The following GLMN variants were observed in gnomAD, a reference collection of about 807,000 sequenced individuals.
The protein encoded by GLMN is glomulin, FKBP associated protein, also known as glomulin.
In GLMN, 75 loss-of-function variants were observed where a neutral mutation model predicts 87.8. The ratio of observed to expected loss-of-function variants is 0.85; its 90% CI spans 0.71 to 1.04. The LOEUF (loss-of-function observed/expected upper bound fraction) is 1.04. Among genes scored for constraint, GLMN ranks in the 50% least tolerant of loss-of-function variants. The probability of loss-of-function intolerance (pLI) is 0.00; values close to 1 mark genes in which losing one functional copy is unlikely to be tolerated. For missense variants in GLMN, 588 were observed against 658.8 expected (o/e 0.89, Z 1.18); for synonymous variants, 206 against 221.6 (o/e 0.93, Z 0.63).
the GLMN span, among the ~76,000 whole-genome samples, chr1:92,363,539 A>AAGAGT: frequency 7.4e-4 from 112 of 152,318 alleles, 1 homozygote; most frequent in Admixed American, 7.2e-3. Flanking sequence ...GTTCTCTTCT[A>AAGAGT]AGAGTACAGA....
the GLMN span, among the ~76,000 whole-genome samples, chr1:92,350,704 C>A: frequency 6.6e-6 from 1 of 152,124 alleles, no homozygotes; most frequent in East Asian, 1.9e-4. Flanking sequence ...CTCTGGGAGG[C>A]CGAGGCAGGC....
chr1:92,300,165 T>C, upstream of GLMN: 1 of 1,538,558 alleles, frequency 6.5e-7, no homozygotes, highest in Non-Finnish European at 8.9e-7. Flanking sequence ...AATGTCATTA[T>C]GTAGCACATG....
the GLMN span, among the ~76,000 whole-genome samples, chr1:92,347,120 C>T: frequency 6.6e-6 from 1 of 152,336 alleles, no homozygotes; most frequent in African/African-American, 2.4e-5. Flanking sequence ...ATGCAACTCA[C>T]ATGATTCATT....
intron 16 of GLMN, among the ~76,000 whole-genome samples, chr1:92,248,809 TTAA>T (rs1467894727): frequency 6.6e-6 from 1 of 152,174 alleles, no homozygotes; most frequent in Non-Finnish European, 1.5e-5. Context: ...ATTGATAATA[TTAA>T]TGTCTCACAC....
chr1:92,370,462 C>CA, the GLMN span, among the ~76,000 whole-genome samples: 1 of 152,056 alleles, frequency 6.6e-6, no homozygotes, highest in Admixed American at 6.5e-5. Flanking sequence ...CGTACCCCCC[C>CA]ACCAAAAACA....
the GLMN span, among the ~76,000 whole-genome samples, chr1:92,340,593 A>G: frequency 1.3e-5 from 2 of 152,198 alleles, no homozygotes; most frequent in African/African-American, 4.8e-5. Flanking sequence ...GCTCCACCCT[A>G]GAGATTGAGT....
chr1:92,254,905 C>T (rs1043509281), intron 16 of GLMN, among the ~76,000 whole-genome samples: 10 of 152,022 alleles, frequency 6.6e-5, no homozygotes, highest in Non-Finnish European at 8.8e-5. Flanking sequence ...TCACAGATAA[C>T]GATATTAACT....
chr1:92,328,856 C>T, the GLMN span, among the ~76,000 whole-genome samples: 293 of 152,330 alleles, frequency 1.9e-3, 1 homozygote, highest in Non-Finnish European at 3.4e-3. Flanking sequence ...TTGGTGCTCT[C>T]CTCCTTCCCC....
intron 16 of GLMN, chr1:92,248,318 C>T (rs542942272): frequency 3.5e-4 from 79 of 225,158 alleles, no homozygotes; most frequent in African/African-American, 1.8e-3. Context: ...CACAATGACT[C>T]TACCTTATTT....
At chr1:92,296,833 T>C (rs772743614) in intron 3 of GLMN, among the ~76,000 whole-genome samples, 8 of 152,236 alleles carry the variant, frequency 5.3e-5, no homozygotes, top group African/African-American at 7.2e-5. Context: ...CATAAAATAC[T>C]GTTTTAATTA....
the GLMN span, among the ~76,000 whole-genome samples, chr1:92,309,889 C>T: frequency 6.6e-6 from 1 of 152,106 alleles, no homozygotes; most frequent in Non-Finnish European, 1.5e-5. Context: ...GTGTGGTAAA[C>T]CCTCAAGTAT....
upstream of GLMN, among the ~76,000 whole-genome samples, chr1:92,302,701 A>G (rs1650949394): frequency 1.5e-5 from 2 of 136,496 alleles, no homozygotes; most frequent in Non-Finnish European, 3.0e-5. Context: ...TCCCGTGTTC[A>G]CGCCATTCTC....
chr1:92,300,239 G>C (rs769344934), upstream of GLMN: 3 of 1,606,014 alleles, frequency 1.9e-6, no homozygotes, highest in Non-Finnish European at 8.5e-7. Flanking sequence ...GCTTCTAAAA[G>C]GTATGACAGC....
At chr1:92,313,045 T>C in the GLMN span, among the ~76,000 whole-genome samples, 1 of 152,176 alleles carries the variant, frequency 6.6e-6, no homozygotes, top group Admixed American at 6.5e-5. Context: ...TTTGTATTTT[T>C]AGTAGAGATG....
At chr1:92,283,071 C>T (rs1425744140) in intron 7 of GLMN, among the ~76,000 whole-genome samples, 2 of 152,164 alleles carry the variant, frequency 1.3e-5, no homozygotes, top group Non-Finnish European at 2.9e-5. Context: ...GGTACCATTC[C>T]TTCTGAAACT....
intron 7 of GLMN, among the ~76,000 whole-genome samples, chr1:92,276,615 T>G (rs2100959846): frequency 6.6e-6 from 1 of 152,330 alleles, no homozygotes; most frequent in South Asian, 2.1e-4. Context: ...TGAGCCGACA[T>G]CATGCCTCTT....
intron 16 of GLMN, among the ~76,000 whole-genome samples, chr1:92,261,880 CAT>C (rs1655101654): frequency 1.6e-5 from 2 of 125,438 alleles, no homozygotes; most frequent in South Asian, 3.0e-4. Context: ...ACAGTAGAAT[CAT>C]AGACTCTAGG....
intron 4 of GLMN, 39 bp downstream of exon 4, chr1:92,291,379 G>A: frequency 6.7e-7 from 1 of 1,488,286 alleles, no homozygotes; most frequent in Non-Finnish European, 9.4e-7. Flanking sequence ...AAATACTGCT[G>A]TGTGTTATGA....
chr1:92,269,942 G>A (rs1410047375), intron 8 of GLMN, among the ~76,000 whole-genome samples, 166 bp from the exon 9 acceptor site: 6 of 152,150 alleles, frequency 3.9e-5, no homozygotes, highest in Non-Finnish European at 8.8e-5. Context: ...GGGTTATGGA[G>A]GTAATCAATT....
Sources: gnomAD v4.1 joint callset for allele counts (sites outside exome capture counted in the v4.1 genomes callset) on GRCh38, gnomAD v4.1.1 for gene constraint, MANE v1.5 for transcripts, NCBI Gene and HGNC (gene_info 2026-07-23, HGNC 2026-07-21) for gene names.